FOSL2: variants seen among roughly 807,000 people sequenced by gnomAD.
FOSL2 encodes fos-related antigen 2.
Under a neutral mutation model 27.7 loss-of-function variants are expected in FOSL2, and 3 were observed. The ratio of observed to expected loss-of-function variants is 0.11; its 90% CI spans 0.05 to 0.28. FOSL2 has a LOEUF of 0.28. Among genes scored for constraint, FOSL2 ranks in the 10% least tolerant of loss-of-function variants. The pLI is 1.00. For synonymous variants in FOSL2, 179 were observed against 190.1 expected (o/e 0.94, Z 0.48); for missense variants, 333 against 445.1 (o/e 0.75, Z 2.27).
At position 28,414,389 on chromosome 2, in the gene FOSL2, T is replaced by C. The variant is rs901229561; in HGVS notation, c.*1941T>C. ...GATTTTGTTTAAAATACTTTAAAAA[T>C]GTTATTTCCTGCATCCCTTGGCTGT... On this transcript the variant is annotated 3_prime_UTR_variant, in exon 4 of 4. Transcript: ENST00000264716. 6 of 152,258 alleles carry C rather than the reference T, an allele frequency of 3.9e-5. No homozygotes were observed. The highest frequency in any genetic ancestry group is 3.9e-4 in the Admixed American group (6 of 15,296). 9.4% of individuals were successfully genotyped at this position (152,258 alleles called of 1,614,324 possible).
rs367773143 is a variant in FOSL2 at position 28,409,042 on chromosome 2, AAGAG to A, written c.462+187_462+190del. On this transcript the variant is annotated intron_variant, in intron 3 of 3. Coordinates refer to ENST00000264716, the MANE Select transcript of FOSL2 (RefSeq NM_005253.4). ...ATGGGTCAGCATTGTGTTGATTGAA[AAGAG>A]AGAGAGAGAGGGAGGTGGCGTTTAG... is the stretch of plus-strand genomic sequence containing the variant. Among the ~76,000 whole-genome samples the A allele has an allele frequency of 3.9e-3, 586 of 151,966 alleles. 8 individuals are homozygous for A. Among genetic ancestry groups the A allele is most frequent in the African/African-American group, 0.014 (569 of 41,488 alleles).
chr2:28,401,253 A>G (rs10184422), intron 1 of FOSL2, among the ~76,000 whole-genome samples: 6,731 of 150,698 alleles, frequency 0.045, 490 homozygotes, highest in African/African-American at 0.16. Context: ...AAAAAAAAAA[A>G]GCTTATCAGA....
At position 28,408,056 on chromosome 2, in the gene FOSL2, T is replaced by C. The variant is rs976594323; in HGVS notation, c.355-703T>C. ...ACAGATATGGTGGGCAGCAGGATTT[T>C]ACCTGCTGGGGGCTCCTCTTCCTTT... On this transcript the variant is annotated intron_variant, in intron 2 of 3. Coordinates refer to ENST00000264716, the MANE Select transcript of FOSL2 (RefSeq NM_005253.4). The surrounding 1 kb of genome is among the most constrained non-coding windows in gnomAD (Gnocchi z 4.1). 3.3e-5 allele frequency among the ~76,000 whole-genome samples: 5 copies of C among 152,224 alleles called. No individual in the cohort carries two copies. The highest frequency in any genetic ancestry group is 1.2e-4 in the African/African-American group (5 of 41,452).
intron 1 of FOSL2, among the ~76,000 whole-genome samples, chr2:28,397,602 C>T (rs1042335669): frequency 6.6e-6 from 1 of 152,292 alleles, no homozygotes; most frequent in East Asian, 1.9e-4. Flanking sequence ...TTCCACTACC[C>T]ATTTCTGCTT....
At position 28,408,969 on chromosome 2, in the gene FOSL2, G is replaced by C. The variant is rs1024169631; in HGVS notation, c.462+103G>C. On this transcript the variant is annotated intron_variant, in intron 3 of 3. Coordinates refer to ENST00000264716, the MANE Select transcript of FOSL2 (RefSeq NM_005253.4). This position sits in a 1 kb window ranked among gnomAD's most constrained non-coding sequence, Gnocchi z 4.1. ...CACAGCTGTCTCCTTACCCACAAAT[G>C]CCCTACAGATGAGTCAGTGGAGATA... 1.4e-6 allele frequency: 1 copy of C among 698,498 alleles called. No individual in the cohort carries two copies. The highest frequency in any genetic ancestry group is 2.4e-6 in the Non-Finnish European group (1 of 422,458). 43.3% of individuals were successfully genotyped at this position (698,498 alleles called of 1,614,324 possible).
Position 28,393,754 on chromosome 2 carries a change from T to C in FOSL2, c.34T>C (p.Ser12Pro). 6.2e-7 allele frequency: 1 copy of C among 1,610,174 alleles called. No individual in the cohort carries two copies. The highest frequency in any genetic ancestry group is 8.5e-7 in the Non-Finnish European group (1 of 1,178,596). Residue 12 changes from serine to proline, a missense_variant, in exon 1 of 4, where the codon TCG becomes CCG. This residue lies in a region of FOSL2 where 131 missense variants were observed against 157.9 expected (regional missense o/e 0.83). Coordinates refer to ENST00000264716, the MANE Select transcript of FOSL2 (RefSeq NM_005253.4). The surrounding 1 kb of genome is among the most constrained non-coding windows in gnomAD (Gnocchi z 4.6). The part of the protein sequence containing the change: ...YQDYPGNFDT[S>P]SRGSSGSPAH... The stretch of plus-strand genomic sequence containing the variant: ...GGATTATCCCGGGAACTTTGACACC[T>C]CGTCCCGGGGCAGCAGCGGCTCTCC...
rs965582666 is a variant in FOSL2, at chr2:28,413,947, G to C, written c.*1499G>C. ...CACGGGGTTGGGGAAGGGTCCCCCT[G>C]GCCTCCAGCAGGAGCACAGCTCAGC... On this transcript the variant is annotated 3_prime_UTR_variant, in exon 4 of 4. Transcript: ENST00000264716. 1 of 397,608 alleles carries C rather than the reference G, an allele frequency of 2.5e-6. No homozygotes were observed. 24.6% of individuals were successfully genotyped at this position (397,608 alleles called of 1,614,324 possible). A position where few individuals can be genotyped will look rare whatever the true frequency, so the allele number is the denominator to read the frequency against.
chr2:28,405,177 A>G (rs139712554), intron 2 of FOSL2, among the ~76,000 whole-genome samples: 3 of 152,306 alleles, frequency 2.0e-5, no homozygotes, highest in Admixed American at 2.0e-4. Flanking sequence ...TGGAAAGGGA[A>G]ATCAGAATCA....
rs551221719 is a variant in FOSL2 at position 28,414,276 on chromosome 2, G to C, written c.*1828G>C. 8.2e-4 allele frequency: 129 copies of C among 157,096 alleles called. No homozygotes were observed. The highest frequency in any genetic ancestry group is 3.0e-3 in the African/African-American group (127 of 41,790). The allele number at this position is 157,096 out of a possible 1,614,324, so 9.7% of individuals were successfully genotyped here. ...TTTCGTGCACTAGACACACAGAGTG[G>C]AACAGCCGTATGCTTAAAGTACATG... On this transcript the variant is annotated 3_prime_UTR_variant, in exon 4 of 4. Transcript: ENST00000264716.
intron 1 of FOSL2, among the ~76,000 whole-genome samples, chr2:28,402,200 C>T (rs912343754): frequency 2.6e-5 from 4 of 152,206 alleles, no homozygotes; most frequent in Non-Finnish European, 4.4e-5. Context: ...GGTAACTTTC[C>T]TCCAGAATCC....
rs1572494032 is a variant in FOSL2 at position 28,408,957 on chromosome 2, T to C, written c.462+91T>C. 1 of 807,424 alleles carries C rather than the reference T, an allele frequency of 1.2e-6. No homozygotes were observed. The allele number at this position is 807,424 out of a possible 1,614,324, so 50.0% of individuals were successfully genotyped here. A position where few individuals can be genotyped will look rare whatever the true frequency, so the allele number is the denominator to read the frequency against. ...GATCCTCTCTCCCACAGCTGTCTCC[T>C]TACCCACAAATGCCCTACAGATGAG... On this transcript the variant is annotated intron_variant, in intron 3 of 3. Transcript: ENST00000264716. The surrounding 1 kb of genome is among the most constrained non-coding windows in gnomAD (Gnocchi z 4.1).
In FOSL2 at chr2:28,415,727, T is replaced by C. The variant is rs1168211286; in HGVS notation, c.*3279T>C. 6.6e-6 allele frequency: 1 copy of C among 152,208 alleles called. No homozygotes were observed. The highest frequency in any genetic ancestry group is 1.5e-5 in the Non-Finnish European group (1 of 68,036). The allele number at this position is 152,208 out of a possible 1,614,324, so 9.4% of individuals were successfully genotyped here. A position where few individuals can be genotyped will look rare whatever the true frequency, so the allele number is the denominator to read the frequency against. On this transcript the variant is annotated 3_prime_UTR_variant, in exon 4 of 4. Transcript: ENST00000264716. ...GTGCCAGGCACTGTGTTAGGCGCTT[T>C]TATATAGATCCTCGTTAGGATGAGA...
At position 28,408,910 on chromosome 2, in the gene FOSL2, G is replaced by C. The variant is rs1190627582; in HGVS notation, c.462+44G>C. 1 of 1,387,026 alleles carries C rather than the reference G, an allele frequency of 7.2e-7. No homozygotes were observed. Among genetic ancestry groups the C allele is most frequent in the South Asian group, 1.3e-5 (1 of 77,170 alleles). 85.9% of individuals were successfully genotyped at this position (1,387,026 alleles called of 1,614,324 possible). On this transcript the variant is annotated intron_variant, in intron 3 of 3. Coordinates refer to ENST00000264716, the MANE Select transcript of FOSL2 (RefSeq NM_005253.4). This position sits in a 1 kb window ranked among gnomAD's most constrained non-coding sequence, Gnocchi z 4.1. ...GGTGGGAGCACCTCTGGGTGGGCTG[G>C]AGTGAGAGCCCCGGGGGTCCTGATC...
chr2:28,396,909 A>G (rs1196674612), intron 1 of FOSL2: 3 of 151,902 alleles, frequency 2.0e-5, no homozygotes, highest in African/African-American at 7.3e-5. Flanking sequence ...AACTTTTACC[A>G]GAAATGACTG....
intron 1 of FOSL2, among the ~76,000 whole-genome samples, chr2:28,398,431 G>A (rs530882989): frequency 2.6e-5 from 4 of 152,358 alleles, no homozygotes; most frequent in East Asian, 3.9e-4. Flanking sequence ...ATGAGAGGAC[G>A]TGTCATTCCC....
At chr2:28,396,838 A>ACACACACACACACACAC (rs1663854590) in intron 1 of FOSL2, 3 of 150,370 alleles carry the variant, frequency 2.0e-5, no homozygotes, top group Non-Finnish European at 3.0e-5. Context: ...ACACACACAC[A>ACACACACACACACACAC]AAATTCCCCA....
rs941034331 is a variant in FOSL2 at position 28,406,054 on chromosome 2, T to C, written c.354+1696T>C. ...AATGCTCTCCATTCCCTTTTTTTTT[T>C]TTTTTTTTTTTTTCTTTTTGAGATG... On this transcript the variant is annotated intron_variant, in intron 2 of 3. Coordinates refer to ENST00000264716, the MANE Select transcript of FOSL2 (RefSeq NM_005253.4). 4.7e-3 allele frequency among the ~76,000 whole-genome samples: 206 copies of C among 43,998 alleles called. 1 individual carries two copies. Among genetic ancestry groups the C allele is most frequent in the African/African-American group, 9.1e-3 (46 of 5,072 alleles). 28.9% of individuals were successfully genotyped at this position (43,998 alleles called of 152,430 possible). A position where few individuals can be genotyped will look rare whatever the true frequency, so the allele number is the denominator to read the frequency against.
At position 28,393,930 on chromosome 2, in the gene FOSL2, A is replaced by G. The variant is rs998499996; in HGVS notation, c.102+108A>G. The G allele has an allele frequency of 7.7e-6, 6 of 775,378 alleles. No homozygotes were observed. Among genetic ancestry groups the G allele is most frequent in the Non-Finnish European group, 1.2e-5 (6 of 482,320 alleles). 48.0% of individuals were successfully genotyped at this position (775,378 alleles called of 1,614,324 possible). On this transcript the variant is annotated intron_variant, in intron 1 of 3. Coordinates refer to ENST00000264716, the MANE Select transcript of FOSL2 (RefSeq NM_005253.4). This position sits in a 1 kb window ranked among gnomAD's most constrained non-coding sequence, Gnocchi z 4.6. Reference sequence around the variant, plus strand: ...TCTTTTTCTTGGCGAGAAAATACCTACGGGCCACCGTTGTAAGTTCTGGAT... The same window carrying G: ...TCTTTTTCTTGGCGAGAAAATACCTGCGGGCCACCGTTGTAAGTTCTGGAT...
At chr2:28,397,228 A>ATG (rs1446190712) in intron 1 of FOSL2, 84 of 152,186 alleles carry the variant, frequency 5.5e-4, no homozygotes, top group African/African-American at 2.0e-3. Flanking sequence ...AAATAAAAAT[A>ATG]AAAAAAGGAG....
Sources: gnomAD v4.1 joint callset for allele counts (sites outside exome capture counted in the v4.1 genomes callset) on GRCh38, gnomAD v4.1.1 for gene constraint, gnomAD v4.1.1 regional missense constraint, Gnocchi (gnomAD v3.1) non-coding constraint, MANE v1.5 for transcripts, NCBI Gene and HGNC (gene_info 2026-07-23, HGNC 2026-07-21) for gene names.